Variants in CNTN4 observed in about 807,000 individuals in gnomAD.
The protein encoded by CNTN4 is contactin-4.
Under a neutral mutation model 122.5 loss-of-function variants are expected in CNTN4, and 77 were observed. That is an observed-to-expected ratio of 0.63 (90% confidence interval 0.52 to 0.76). CNTN4 has a LOEUF of 0.76. Ranked by LOEUF, CNTN4 falls within the 30% of genes least tolerant of loss-of-function variation. CNTN4 has a pLI of 0.00. For missense variants in CNTN4, 1,256 were observed against 1,259.1 expected, an observed-to-expected ratio of 1.00 and a Z score of 0.04; for synonymous variants, 512 against 447.0, an observed-to-expected ratio of 1.15 and a Z score of -1.83.
intron 2 of CNTN4, among the ~76,000 whole-genome samples, chr3:2,287,914 G>C (rs925257326): frequency 5.9e-5 from 9 of 152,110 alleles, no homozygotes; most frequent in African/African-American, 2.2e-4. Flanking sequence ...TAATAAAAAT[G>C]TATGAACTTA....
intron 3 of CNTN4, among the ~76,000 whole-genome samples, chr3:2,345,596 T>C (rs912995136): frequency 2.6e-5 from 4 of 152,206 alleles, no homozygotes; most frequent in Admixed American, 1.3e-4. Context: ...GAACATGTAT[T>C]AGGACCAGGT....
At chr3:2,331,013 A>G (rs1238625440) in intron 2 of CNTN4, among the ~76,000 whole-genome samples, 2 of 152,224 alleles carry the variant, frequency 1.3e-5, no homozygotes, top group Non-Finnish European at 2.9e-5. Context: ...TTGGGAATGT[A>G]GAGTGACAAG....
At chr3:2,844,073 G>T (rs776724464) in intron 7 of CNTN4, among the ~76,000 whole-genome samples, 9 of 152,038 alleles carry the variant, frequency 5.9e-5, no homozygotes, top group Non-Finnish European at 4.4e-5. Context: ...CATGAAACAC[G>T]TCCCTCCTAG....
intron 13 of CNTN4, among the ~76,000 whole-genome samples, chr3:2,954,691 A>T (rs1425558163): frequency 6.6e-6 from 1 of 152,036 alleles, no homozygotes; most frequent in Non-Finnish European, 1.5e-5. Context: ...GCTTTAGTGC[A>T]TGTAATCTTG....
chr3:2,435,973 G>A (rs1295824551), intron 3 of CNTN4, among the ~76,000 whole-genome samples: 1 of 152,130 alleles, frequency 6.6e-6, no homozygotes. Flanking sequence ...GACAATGCAG[G>A]TCAAAAAACT....
At chr3:2,401,003 A>G (rs1312787489) in intron 3 of CNTN4, among the ~76,000 whole-genome samples, 6 of 152,074 alleles carry the variant, frequency 3.9e-5, no homozygotes, top group Non-Finnish European at 7.4e-5. Flanking sequence ...TTTTACACAT[A>G]AATAATCACT....
intron 2 of CNTN4, among the ~76,000 whole-genome samples, chr3:2,336,246 G>A (rs1247371632): frequency 1.3e-5 from 2 of 152,008 alleles, no homozygotes; most frequent in African/African-American, 2.4e-5. Context: ...TGGCAGAGTA[G>A]AGTAGTAATT....
chr3:2,729,438 G>A (rs747866471), intron 4 of CNTN4, among the ~76,000 whole-genome samples: 11 of 150,630 alleles, frequency 7.3e-5, no homozygotes, highest in South Asian at 2.1e-4. Context: ...CCAGCTACTC[G>A]GGAGGCTAAG....
At chr3:2,287,749 AAGAAGAAGAAGAAGAAGAAGAAG>A (rs2041989283) in intron 2 of CNTN4, among the ~76,000 whole-genome samples, 1 of 138,584 alleles carries the variant, frequency 7.2e-6, no homozygotes, top group South Asian at 2.3e-4. Context: ...GAAGAAGAAG[AAGAAGAAGAAGAAGAAGAAGAAG>A]AAGAAGGAGA....
Position 2,848,651 on chromosome 3 carries a change from A to G in CNTN4, c.455-18101A>G, listed in dbSNP as rs542536688. On this transcript the variant is annotated intron_variant, in intron 7 of 24. Coordinates refer to ENST00000418658, the MANE Select transcript of CNTN4 (RefSeq NM_175607.3). ...TTAGTTCCCAAATGATAGTGTTAGG[A>G]TCTCTCTATCATCTCTTGAATTTGC... is the stretch of plus-strand genomic sequence containing the variant. Among the ~76,000 whole-genome samples, 16 of 152,318 alleles carry G rather than the reference A, an allele frequency of 1.1e-4. No homozygotes were observed. The South Asian group carries it at 3.1e-3, about 30-fold the overall frequency.
chr3:2,614,368 G>T (rs1292568757), intron 4 of CNTN4, among the ~76,000 whole-genome samples: 1 of 152,162 alleles, frequency 6.6e-6, no homozygotes, highest in Admixed American at 6.5e-5. Flanking sequence ...GATTGATTTT[G>T]ATTCTGAATA....
At chr3:2,487,788 A>G (rs970891241) in intron 3 of CNTN4, among the ~76,000 whole-genome samples, 2 of 152,162 alleles carry the variant, frequency 1.3e-5, no homozygotes, top group African/African-American at 2.4e-5. Context: ...TCATTTTCCA[A>G]TCTCCTATTG....
At chr3:2,820,163 C>A (rs2092830737) in intron 7 of CNTN4, among the ~76,000 whole-genome samples, 2 of 152,142 alleles carry the variant, frequency 1.3e-5, no homozygotes, top group Admixed American at 6.5e-5. Flanking sequence ...ACTTCAGATG[C>A]CACTTTCAAG....
intron 2 of CNTN4, among the ~76,000 whole-genome samples, chr3:2,131,298 C>T (rs773044521): frequency 6.6e-6 from 1 of 152,084 alleles, no homozygotes; most frequent in Non-Finnish European, 1.5e-5. Flanking sequence ...TTATCCTCCT[C>T]GTATTCAGTG....
At chr3:2,126,171 C>T (rs1285554788) in intron 2 of CNTN4, among the ~76,000 whole-genome samples, 6 of 152,024 alleles carry the variant, frequency 3.9e-5, no homozygotes, top group Non-Finnish European at 8.8e-5. Context: ...TCCTTAGGGA[C>T]CCTTGGGATC....
At chr3:2,932,862 G>C (rs968295059) in intron 13 of CNTN4, among the ~76,000 whole-genome samples, 1 of 151,366 alleles carries the variant, frequency 6.6e-6, no homozygotes, top group Non-Finnish European at 1.5e-5. Context: ...TCGCTCTGTC[G>C]CCCAGGCTGG....
chr3:2,579,274 G>T (rs1032577868), intron 4 of CNTN4, among the ~76,000 whole-genome samples: 6 of 152,156 alleles, frequency 3.9e-5, no homozygotes, highest in Non-Finnish European at 1.5e-5. Context: ...GAAAAAACCA[G>T]ACAAGTGAAA....
chr3:2,860,789 G>A (rs971932487), intron 7 of CNTN4, among the ~76,000 whole-genome samples: 2 of 152,096 alleles, frequency 1.3e-5, no homozygotes, highest in Non-Finnish European at 2.9e-5. Context: ...AAGTCTATTG[G>A]TCATTCTCTT....
intron 6 of CNTN4, among the ~76,000 whole-genome samples, chr3:2,756,117 G>A (rs1360273347): frequency 6.6e-6 from 1 of 152,166 alleles, no homozygotes; most frequent in Non-Finnish European, 1.5e-5. Context: ...CATTTGAGAG[G>A]TTATGGTGCT....
Sources: gnomAD v4.1 joint callset for allele counts (sites outside exome capture counted in the v4.1 genomes callset) on GRCh38, gnomAD v4.1.1 for gene constraint, MANE v1.5 for transcripts, NCBI Gene and HGNC (gene_info 2026-07-23, HGNC 2026-07-21) for gene names.